Variants in ADAM28 observed in about 807,000 individuals in gnomAD.
The protein encoded by ADAM28 is disintegrin and metalloproteinase domain-containing protein 28.
A neutral mutation model predicts 101.2 loss-of-function variants in ADAM28; 105 were observed. That is an observed-to-expected ratio of 1.04 (90% CI 0.89 to 1.22). The LOEUF is 1.22. ADAM28 is among the 50% of genes most tolerant of loss of function. The pLI, the probability that ADAM28 is intolerant of heterozygous loss-of-function variation, is 0.00. For synonymous variants in ADAM28, 322 were observed against 310.6 expected (o/e 1.04, Z -0.39); for missense variants, 1,028 against 945.4 (o/e 1.09, Z -1.15).
intron 10 of ADAM28, among the ~76,000 whole-genome samples, chr8:24,328,404 A>AT (rs1347847210): frequency 6.6e-6 from 1 of 151,418 alleles, no homozygotes; most frequent in African/African-American, 2.4e-5. Context: ...GAATTAACAT[A>AT]TTTTTTAGTT....
At chr8:24,314,080 A>G (rs558421913) in intron 6 of ADAM28, among the ~76,000 whole-genome samples, 1 of 152,306 alleles carries the variant, frequency 6.6e-6, no homozygotes, top group African/African-American at 2.4e-5. Context: ...ATTTTCAGCA[A>G]TGTACAAAGG....
intron 2 of ADAM28, among the ~76,000 whole-genome samples, chr8:24,309,633 A>G (rs1457723135): frequency 2.0e-5 from 3 of 152,194 alleles, no homozygotes; most frequent in Non-Finnish European, 1.5e-5. Flanking sequence ...GCAAAGAAAC[A>G]GCACTCACTC....
At chr8:24,340,468 G>A (rs542017044) in intron 15 of ADAM28, among the ~76,000 whole-genome samples, 83 of 152,286 alleles carry the variant, frequency 5.5e-4, no homozygotes, top group Non-Finnish European at 9.3e-4. Flanking sequence ...GAGGGCCAGA[G>A]GAAGGGCAAT....
At position 24,333,050 on chromosome 8, in the gene ADAM28, C is replaced by G. The variant is rs4276696; in HGVS notation, c.1371+301C>G. Among the ~76,000 whole-genome samples the G allele has an allele frequency of 0.19, 29,421 of 152,024 alleles. 3,163 individuals carry two copies. The highest frequency in any genetic ancestry group is 0.35 in the East Asian group (1,789 of 5,160). On this transcript the variant is annotated intron_variant, in intron 13 of 22. Coordinates refer to ENST00000265769, the MANE Select transcript of ADAM28 (RefSeq NM_014265.6). ...GATACACCTGAGAACATTATGCCAA[C>G]TGAAATAAGCCAGCATAGAAAGACA...
rs772925282 is a variant in ADAM28 at position 24,332,663 on chromosome 8, T to G, written c.1285T>G (p.Cys429Gly). The change falls in exon 13 of 23, where the codon TGT becomes GGT. Residue 429 changes from cysteine to glycine, a missense_variant. By Grantham distance (159) the Cys-to-Gly change is radical (BLOSUM62 -3). Coordinates refer to ENST00000265769, the MANE Select transcript of ADAM28 (RefSeq NM_014265.6). ...ATTTGTTTCTCATATTTCTTAGGAATGTACCAATATTTGCTGTGATGCTAA... is the reference window on the plus strand; with the variant it reads ...ATTTGTTTCTCATATTTCTTAGGAAGGTACCAATATTTGCTGTGATGCTAA... ...EDCDCGTSEECTNICCDAKTC... is the reference protein window; with the variant it reads ...EDCDCGTSEEGTNICCDAKTC... 8 of 1,491,086 alleles carry G rather than the reference T, an allele frequency of 5.4e-6. No homozygotes were observed. The highest frequency in any genetic ancestry group is 7.2e-6 in the Non-Finnish European group (8 of 1,107,712). The allele number at this position is 1,491,086 out of a possible 1,614,324, so 92.4% of individuals were successfully genotyped here.
intron 7 of ADAM28, 90 bp downstream of exon 7, chr8:24,320,397 T>G: frequency 4.5e-6 from 4 of 892,126 alleles, no homozygotes; most frequent in Non-Finnish European, 5.3e-6. Flanking sequence ...CTGGATGAGA[T>G]TTAAAGAATC....
At chr8:24,319,388 G>C (rs2129284066) in intron 6 of ADAM28, among the ~76,000 whole-genome samples, 1 of 152,062 alleles carries the variant, frequency 6.6e-6, no homozygotes, top group Non-Finnish European at 1.5e-5. Context: ...TCTGCTGATG[G>C]AGCTCACATG....
intron 14 of ADAM28, among the ~76,000 whole-genome samples, chr8:24,338,980 C>T (rs1268084622): frequency 6.6e-6 from 1 of 151,798 alleles, no homozygotes; most frequent in Non-Finnish European, 1.5e-5. Context: ...TATATATATA[C>T]TTTTATATAT....
intron 19 of ADAM28, among the ~76,000 whole-genome samples, chr8:24,350,310 G>A (rs377443216): frequency 2.1e-4 from 32 of 151,876 alleles, no homozygotes; most frequent in Middle Eastern, 3.4e-3. Flanking sequence ...GCTAAGCACC[G>A]CCCCACCCAC....
chr8:24,318,358 T>C (rs1021128853), intron 6 of ADAM28, among the ~76,000 whole-genome samples: 1 of 152,010 alleles, frequency 6.6e-6, no homozygotes, highest in African/African-American at 2.4e-5. Context: ...ACCCTTACTC[T>C]GATTGACTGG....
At chr8:24,343,368 C>G in intron 17 of ADAM28, 138 bp from the exon 18 acceptor site, 1 of 1,071,592 alleles carries the variant, frequency 9.3e-7, no homozygotes, top group Non-Finnish European at 1.4e-6. Context: ...CTCTCATTCA[C>G]TCATACTTTT....
chr8:24,333,719 C>T (rs1813665183), intron 13 of ADAM28, among the ~76,000 whole-genome samples: 1 of 151,870 alleles, frequency 6.6e-6, no homozygotes, highest in African/African-American at 2.4e-5. Context: ...TGGGGGTATC[C>T]CCATCTTCAA....
intron 5 of ADAM28, 39 bp from the exon 6 acceptor site, chr8:24,313,349 A>G (rs1451931246): frequency 6.4e-7 from 1 of 1,558,564 alleles, no homozygotes; most frequent in Admixed American, 1.9e-5. Context: ...CTAATGCAAC[A>G]ATATTTGTTA....
At chr8:24,307,370 T>C (rs1585535249) in intron 2 of ADAM28, among the ~76,000 whole-genome samples, 1 of 152,306 alleles carries the variant, frequency 6.6e-6, no homozygotes, top group East Asian at 1.9e-4. Flanking sequence ...TGGCTTTACC[T>C]GTCAGCTACG....
At chr8:24,332,243 T>A (rs1813448074) in intron 12 of ADAM28, among the ~76,000 whole-genome samples, 1 of 152,172 alleles carries the variant, frequency 6.6e-6, no homozygotes, top group Non-Finnish European at 1.5e-5. Context: ...ATATTAAAGT[T>A]AGATAAAGAG....
At chr8:24,336,610 GAAAAAT>G (rs1814117689) in intron 14 of ADAM28, among the ~76,000 whole-genome samples, 1 of 133,862 alleles carries the variant, frequency 7.5e-6, no homozygotes, top group African/African-American at 2.8e-5. Context: ...GAAAAAAAAA[GAAAAAT>G]AACTTTATTA....
In ADAM28 at chr8:24,349,934, G is replaced by T. The variant is rs141685017; in HGVS notation, c.2061G>T (p.Arg687=). ...VIFVVVAMVI[R]HQSSREKQKK... is the part of the protein sequence containing the mutation. Reference sequence around the variant, plus strand: ...TTGTGGTGGTTGCTATGGTAATCCGGCACCAGAGCTCCAGAGAAAAGCAGA... The same window carrying T: ...TTGTGGTGGTTGCTATGGTAATCCGTCACCAGAGCTCCAGAGAAAAGCAGA... Residue 687 remains arginine, a synonymous_variant, in exon 19 of 23, where the codon CGG becomes CGT. Transcript: ENST00000265769. 6 of 1,613,610 alleles carry T rather than the reference G, an allele frequency of 3.7e-6. No individual in the cohort carries two copies. Among genetic ancestry groups the T allele is most frequent in the African/African-American group, 2.7e-5 (2 of 74,978 alleles).
chr8:24,300,503 G>A (rs1256187444), intron 2 of ADAM28, among the ~76,000 whole-genome samples: 1 of 151,878 alleles, frequency 6.6e-6, no homozygotes, highest in South Asian at 2.1e-4. Context: ...TGCAAGCTCC[G>A]CCTCCCAGGT....
chr8:24,358,467 G>C lies in ADAM28; in HGVS notation c.*4063G>C, dbSNP rs932594823. The C allele has an allele frequency of 6.6e-6, 1 of 152,114 alleles. No homozygotes were observed. The highest frequency in any genetic ancestry group is 2.4e-5 in the African/African-American group (1 of 41,416). 9.4% of individuals were successfully genotyped at this position (152,114 alleles called of 1,614,324 possible). ...CCTCAATTTTTTTTCTCCAAAGTGGGCCAAGCCAAGAGTGGCACAGCTGTG... is the reference window on the plus strand; with the variant it reads ...CCTCAATTTTTTTTCTCCAAAGTGGCCCAAGCCAAGAGTGGCACAGCTGTG... On this transcript the variant is annotated 3_prime_UTR_variant, in exon 23 of 23. Transcript: ENST00000265769.
Sources: allele counts gnomAD v4.1 joint callset (sites outside exome capture counted in the v4.1 genomes callset), GRCh38; gene constraint gnomAD v4.1.1; transcripts MANE v1.5; gene names NCBI Gene and HGNC (gene_info 2026-07-23, HGNC 2026-07-21).